The following NBAS variants were observed in gnomAD, a reference collection of about 807,000 sequenced individuals.
NBAS encodes NAG/BC035112 fusion.
A neutral mutation model predicts 302.5 loss-of-function variants in NBAS; 219 were observed. The ratio of observed to expected loss-of-function variants is 0.72; its 90% CI spans 0.65 to 0.81. The LOEUF is 0.81. NBAS is among the 30% of genes least tolerant of loss of function. NBAS has a pLI of 0.00. For synonymous variants in NBAS, 1,118 were observed against 1,021.6 expected (o/e 1.09, Z -1.80); for missense variants, 2,932 against 2,841.6 (o/e 1.03, Z -0.72).
chr2:15,277,159 T>A (rs2302943), intron 42 of NBAS, 58 bp from the exon 43 acceptor site: 65 of 1,471,472 alleles, frequency 4.4e-5, no homozygotes, highest in South Asian at 4.1e-4. Context: ...TAAAGTGATT[T>A]TTTTTTTAAC....
At chr2:15,208,166 T>A (rs1666232297) in intron 48 of NBAS, among the ~76,000 whole-genome samples, 1 of 152,208 alleles carries the variant, frequency 6.6e-6, no homozygotes, top group African/African-American at 2.4e-5. Flanking sequence ...CAGTTCCATG[T>A]GGCTGGGAAG....
At chr2:15,288,370 T>C (rs1437481036) in intron 41 of NBAS, among the ~76,000 whole-genome samples, 1 of 152,016 alleles carries the variant, frequency 6.6e-6, no homozygotes, top group Non-Finnish European at 1.5e-5. Context: ...AAAGTGACCA[T>C]TGTGAACTGC....
intron 7 of NBAS, among the ~76,000 whole-genome samples, chr2:15,538,560 G>T (rs73202765): frequency 0.013 from 1,919 of 152,200 alleles, 35 homozygotes; most frequent in African/African-American, 0.044. Flanking sequence ...AGCTCCCCAG[G>T]TGATTCTAAG....
the NBAS span, among the ~76,000 whole-genome samples, chr2:15,098,093 C>T: frequency 6.0e-4 from 7 of 11,728 alleles, no homozygotes; most frequent in African/African-American, 7.5e-3. Context: ...ATATTGTATA[C>T]AATATATATT....
chr2:15,191,731 C>T (rs903114877), intron 48 of NBAS, among the ~76,000 whole-genome samples: 4 of 152,142 alleles, frequency 2.6e-5, no homozygotes, highest in Non-Finnish European at 5.9e-5. Context: ...GCTACATAAG[C>T]TTTTGATAAT....
At chr2:15,236,583 G>A (rs1410600141) in intron 45 of NBAS, among the ~76,000 whole-genome samples, 1 of 130,686 alleles carries the variant, frequency 7.7e-6, no homozygotes, top group African/African-American at 2.9e-5. Context: ...AGAGAGTAAT[G>A]ACAATTCTCT....
At chr2:15,294,221 T>A (rs866822168) in intron 40 of NBAS, among the ~76,000 whole-genome samples, 64 of 152,174 alleles carry the variant, frequency 4.2e-4, no homozygotes, top group Admixed American at 3.4e-3. Flanking sequence ...GTTATCGAAG[T>A]CTTCTTCAAA....
intron 38 of NBAS, among the ~76,000 whole-genome samples, chr2:15,316,897 C>G (rs1480571062): frequency 6.6e-6 from 1 of 152,194 alleles, no homozygotes; most frequent in Non-Finnish European, 1.5e-5. Flanking sequence ...AGCGTTTGAG[C>G]TCTGAGAAAG....
chr2:15,355,049 G>A (rs1673546428), intron 33 of NBAS, among the ~76,000 whole-genome samples: 1 of 152,098 alleles, frequency 6.6e-6, no homozygotes, highest in African/African-American at 2.4e-5. Context: ...CTCCCCTATT[G>A]CAGTGGTCTT....
intron 6 of NBAS, among the ~76,000 whole-genome samples, chr2:15,539,858 A>G (rs1437152456): frequency 7.6e-6 from 1 of 131,836 alleles, no homozygotes; most frequent in Non-Finnish European, 1.6e-5. Context: ...ATATATATAT[A>G]CACACACACA....
rs370851287 is a variant in NBAS, at chr2:15,417,745, T to G, written c.2578-33A>C. 3 of 1,584,690 alleles carry G rather than the reference T, an allele frequency of 1.9e-6. No individual in the cohort carries two copies. In the South Asian group the frequency reaches 3.4e-5, roughly 18 times the overall value. On this transcript the variant is annotated intron_variant, in intron 23 of 51. Transcript: ENST00000281513. ...TGAAAAGCAACAATAAGTTCCTGAG[T>G]ATTATATATTTCTCATCTATTCTAA...
At chr2:15,423,097 G>A (rs1677290480) in intron 23 of NBAS, among the ~76,000 whole-genome samples, 1 of 151,932 alleles carries the variant, frequency 6.6e-6, no homozygotes, top group African/African-American at 2.4e-5. Flanking sequence ...AGATTATACA[G>A]GGACCCAGAT....
chr2:15,245,773 T>C (rs1181053302), intron 44 of NBAS, among the ~76,000 whole-genome samples: 4 of 152,208 alleles, frequency 2.6e-5, no homozygotes, highest in African/African-American at 9.7e-5. Context: ...CACTTTAGTT[T>C]AGACATGGTG....
At chr2:15,282,801 T>G (rs1572583443) in intron 42 of NBAS, among the ~76,000 whole-genome samples, 1 of 152,320 alleles carries the variant, frequency 6.6e-6, no homozygotes, top group African/African-American at 2.4e-5. Flanking sequence ...GTCCTCCATT[T>G]AGTTCTCCTT....
At chr2:15,235,155 T>C (rs1667537451) in intron 45 of NBAS, among the ~76,000 whole-genome samples, 1 of 152,236 alleles carries the variant, frequency 6.6e-6, no homozygotes, top group Admixed American at 6.5e-5. Context: ...TAATAATCTA[T>C]TGAGCTATAA....
the NBAS span, among the ~76,000 whole-genome samples, chr2:15,158,496 C>A: frequency 3.3e-5 from 5 of 152,336 alleles, no homozygotes; most frequent in South Asian, 1.0e-3. Flanking sequence ...AAGATGGTGT[C>A]TTTGCTGCAT....
At chr2:15,371,955 T>C (rs975471225) in intron 31 of NBAS, among the ~76,000 whole-genome samples, 4 of 152,166 alleles carry the variant, frequency 2.6e-5, no homozygotes, top group African/African-American at 9.7e-5. Flanking sequence ...TATTGTACAG[T>C]CCTTACTATA....
chr2:14,904,727 T>G, the NBAS span, among the ~76,000 whole-genome samples: 12 of 152,178 alleles, frequency 7.9e-5, no homozygotes, highest in African/African-American at 2.9e-4. Flanking sequence ...CTGTGCGCAA[T>G]TTGTGTCTAC....
chr2:14,811,975 T>G, the NBAS span, among the ~76,000 whole-genome samples: 1 of 152,140 alleles, frequency 6.6e-6, no homozygotes, highest in Non-Finnish European at 1.5e-5. Flanking sequence ...AGTACAAAGC[T>G]TAGGGGATGA....
Sources: gnomAD v4.1 joint callset for allele counts (sites outside exome capture counted in the v4.1 genomes callset) on GRCh38, gnomAD v4.1.1 for gene constraint, MANE v1.5 for transcripts, NCBI Gene and HGNC (gene_info 2026-07-23, HGNC 2026-07-21) for gene names.